The following PDZD7 variants were observed in gnomAD, a reference collection of about 807,000 sequenced individuals.
PDZD7 encodes the protein PDZ domain-containing protein 7.
Under a neutral mutation model 84.7 loss-of-function variants are expected in PDZD7, and 72 were observed. That is an observed-to-expected ratio of 0.85 (90% CI 0.70 to 1.03). The LOEUF (loss-of-function observed/expected upper bound fraction) is 1.03. Among genes scored for constraint, PDZD7 ranks in the 50% least tolerant of loss-of-function variants. The pLI is 0.00. For synonymous variants in PDZD7, 594 were observed against 580.7 expected, an observed-to-expected ratio of 1.02 and a Z score of -0.33; for missense variants, 1,490 against 1,412.9, an observed-to-expected ratio of 1.05 and a Z score of -0.87.
chr10:101,030,964 A>C (rs1938133486), intron 1 of PDZD7, 109 bp downstream of exon 1: 2 of 153,746 alleles, frequency 1.3e-5, no homozygotes, highest in Non-Finnish European at 2.9e-5. Context: ...CATCCCGCGC[A>C]AAACCCAGGG....
chr10:101,025,790 G>A (rs11190801), intron 2 of PDZD7, among the ~76,000 whole-genome samples: 44 of 150,810 alleles, frequency 2.9e-4, no homozygotes, highest in African/African-American at 7.3e-4. Flanking sequence ...CTCGTGATCT[G>A]CCCGCCTTGG....
At chr10:101,017,900 G>T (rs1852783171) in intron 9 of PDZD7, 199 bp downstream of exon 9, 11 of 452,932 alleles carry the variant, frequency 2.4e-5, no homozygotes, top group South Asian at 3.3e-5. Flanking sequence ...AGAAAAGAAA[G>T]AAAGAAAGAA....
rs1554835357 is a variant in PDZD7 at position 101,019,574 on chromosome 10, C to CTCCTCT, written c.929-358_929-357insAGAGGA. On this transcript the variant is annotated intron_variant, in intron 7 of 16. Transcript: ENST00000619208. ...CCTCCTCCTCCTCCTCCTCCTCCTCCTCCTCCTCCTCCTCTTCTTCTTCTT... is the reference window on the plus strand; with the variant it reads ...CCTCCTCCTCCTCCTCCTCCTCCTCCTCCTCTTCCTCCTCCTCCTCTTCTTCTTCTT... Among the ~76,000 whole-genome samples the CTCCTCT allele has an allele frequency of 4.7e-3, 524 of 110,744 alleles. 22 individuals carry two copies. The highest frequency in any genetic ancestry group is 0.04 in the South Asian group (154 of 3,856). 72.7% of individuals were successfully genotyped at this position (110,744 alleles called of 152,430 possible). A position where few individuals can be genotyped will look rare whatever the true frequency, so the allele number is the denominator to read the frequency against.
chr10:101,026,386 C>T (rs563201375), intron 2 of PDZD7, among the ~76,000 whole-genome samples: 8 of 150,808 alleles, frequency 5.3e-5, no homozygotes, highest in Non-Finnish European at 1.0e-4. Context: ...CCACCTGCCT[C>T]GGCCTCCCAA....
intron 11 of PDZD7, among the ~76,000 whole-genome samples, chr10:101,014,119 A>T (rs1852502579): frequency 6.6e-6 from 1 of 151,414 alleles, no homozygotes; most frequent in East Asian, 1.9e-4. Context: ...TCGGCCACCC[A>T]AAGTGCTGGG....
At position 101,012,019 on chromosome 10, in the gene PDZD7, G is replaced by C. The variant is rs749451552; in HGVS notation, c.1842-3C>G. On this transcript the variant is annotated splice_polypyrimidine_tract_variant and splice_region_variant and intron_variant, in intron 12 of 16. Coordinates refer to ENST00000619208, the MANE Select transcript of PDZD7 (RefSeq NM_001195263.2). ...GGTCTGTGGGGGCCACCACACTCCT[G>C]GGAGAGGGCGAGAGACAGCAGGGGT... 2 of 1,549,838 alleles carry C rather than the reference G, an allele frequency of 1.3e-6. No individual in the cohort carries two copies. Among genetic ancestry groups the C allele is most frequent in the South Asian group, 2.4e-5 (2 of 84,044 alleles).
rs1852883761 is a variant in PDZD7 at position 101,019,038 on chromosome 10, T to C, written c.1108A>G (p.Met370Val). 3 of 1,573,888 alleles carry C rather than the reference T, an allele frequency of 1.9e-6. No homozygotes were observed. Among genetic ancestry groups the C allele is most frequent in the South Asian group, 2.3e-5 (2 of 86,746 alleles). ...GPGWGRADTA[M>V]QTEPDAGGRV... is the part of the protein sequence containing the mutation. ...CCTCCCGCATCGGGCTCCGTCTGCA[T>C]GGCTGTGTCCGCCCGCCCCCAGCCT... The change falls in exon 8 of 17, where the codon ATG becomes GTG. Residue 370 changes from methionine (M) to valine (V), a missense_variant. Transcript: ENST00000619208.
rs771265258 is a variant in PDZD7, at chr10:101,023,460, T to C, written c.518A>G (p.Lys173Arg). 3 of 1,614,060 alleles carry C rather than the reference T, an allele frequency of 1.9e-6. No individual in the cohort carries two copies. Among genetic ancestry groups the C allele is most frequent in the South Asian group, 2.2e-5 (2 of 91,088 alleles). Residue 173 changes from lysine to arginine, a missense_variant, in exon 4 of 17, where the codon AAG (lysine) becomes AGG (arginine). Coordinates refer to ENST00000619208, the MANE Select transcript of PDZD7 (RefSeq NM_001195263.2). ...VRRMGRVPGI[K>R]FSKEKTTWVD... is the part of the protein sequence containing the mutation. ...CCACGTGGTCTTCTCCTTGGAGAAC[T>C]TGATGCCCGGCACACGGCCCATGCG...
rs1393779010 is a variant in PDZD7, at chr10:101,011,460, C to T, written c.2005+230G>A. The T allele has an allele frequency of 5.5e-6, 7 of 1,282,332 alleles. No homozygotes were observed. In the East Asian group the frequency reaches 1.4e-4, roughly 25 times the overall value. 79.4% of individuals were successfully genotyped at this position (1,282,332 alleles called of 1,614,324 possible). A position where few individuals can be genotyped will look rare whatever the true frequency, so the allele number is the denominator to read the frequency against. ...TCAGAGGTTACTGCATAGAATGAGA[C>T]TAGATTTTAAAAGTGAGTGGGTTTC... On this transcript the variant is annotated intron_variant, in intron 14 of 16. Transcript: ENST00000619208.
In PDZD7 at chr10:101,030,235, G is replaced by T; in HGVS notation, c.-16C>A. On this transcript the variant is annotated 5_prime_UTR_variant, in exon 2 of 17. Coordinates refer to ENST00000619208, the MANE Select transcript of PDZD7 (RefSeq NM_001195263.2). ...CCTGCGCCATGGCGGCTGGGCTAGG[G>T]CGGCACCCTACAGGTCCAGAAGGAA... The T allele has an allele frequency of 6.3e-7, 1 of 1,584,060 alleles. No homozygotes were observed. Among genetic ancestry groups the T allele is most frequent in the Non-Finnish European group, 8.6e-7 (1 of 1,167,896 alleles).
chr10:101,029,731 C>T (rs1051283585), intron 2 of PDZD7, among the ~76,000 whole-genome samples: 1 of 152,228 alleles, frequency 6.6e-6, no homozygotes, highest in African/African-American at 2.4e-5. Flanking sequence ...GCATACCACA[C>T]GCATGCCTGT....
intron 1 of PDZD7, chr10:101,030,859 C>A (rs1938122487): frequency 1.2e-5 from 2 of 161,168 alleles, no homozygotes. Context: ...GACCCCCAGA[C>A]ACCCGCGGGC....
intron 6 of PDZD7, 120 bp from the exon 7 acceptor site, chr10:101,020,798 A>G: frequency 1.3e-6 from 1 of 763,152 alleles, no homozygotes; most frequent in Non-Finnish European, 2.3e-6. Flanking sequence ...CTCCAAATTC[A>G]TCATGCTCTG....
At chr10:101,030,774 G>A (rs184667611) in intron 1 of PDZD7, 339 of 186,154 alleles carry the variant, frequency 1.8e-3, no homozygotes, top group African/African-American at 7.6e-3. Flanking sequence ...GGCCCGGGGT[G>A]GGGCGGGGGC....
rs370710418 is a variant in PDZD7, at chr10:101,030,129, G to T, written c.91C>A (p.Leu31Ile). 3.1e-5 allele frequency: 50 copies of T among 1,614,064 alleles called. No individual in the cohort carries two copies. The highest frequency in any genetic ancestry group is 1.7e-4 in the Admixed American group (10 of 60,016). ...GCGGTGGAGCCTGAGTCGCTGCCTA[G>T]GTGGCCTCGGGAGGAGAGGGAGCTC... Reference protein sequence around the residue: ...SLSSLSSRGHLGSDSGSTATR... With the variant: ...SLSSLSSRGHIGSDSGSTATR... Residue 31 changes from leucine (L) to isoleucine (I), a missense_variant, in exon 2 of 17, where the codon CTA becomes ATA. By Grantham distance (5) the Leu-to-Ile change is conservative. Transcript: ENST00000619208.
rs1262407255 is a variant in PDZD7 at position 101,018,108 on chromosome 10, T to C, written c.1513A>G (p.Ile505Val). The C allele has an allele frequency of 6.2e-7, 1 of 1,614,220 alleles. No homozygotes were observed. Among genetic ancestry groups the C allele is most frequent in the Non-Finnish European group, 8.5e-7 (1 of 1,180,036 alleles). ...TCAGCCCACTACTTACCTTTCTCTATGTCCAGGCGAGGGTAAGTTTTGGCC... is the reference window on the plus strand; with the variant it reads ...TCAGCCCACTACTTACCTTTCTCTACGTCCAGGCGAGGGTAAGTTTTGGCC... ...SLAKTYPRLDIEKAGGVGPVQ... is the reference protein window; with the variant it reads ...SLAKTYPRLDVEKAGGVGPVQ... Residue 505 changes from isoleucine to valine, a missense_variant, in exon 9 of 17, where the codon ATA becomes GTA. Physicochemically the swap from Ile to Val is conservative, Grantham distance 29. Transcript: ENST00000619208.
At chr10:101,015,866 G>C in intron 10 of PDZD7, 55 bp from the exon 11 acceptor site, 1 of 1,508,382 alleles carries the variant, frequency 6.6e-7, no homozygotes, top group South Asian at 1.3e-5. Flanking sequence ...AGCAGGGCTG[G>C]GCCCCAGAAT....
intron 9 of PDZD7, 121 bp from the exon 10 acceptor site, chr10:101,016,548 C>A (rs927834149): frequency 9.4e-7 from 1 of 1,062,532 alleles, no homozygotes; most frequent in African/African-American, 1.6e-5. Flanking sequence ...GATAGGGAGG[C>A]AAGAGGCCTG....
intron 14 of PDZD7, chr10:101,011,163 C>G: frequency 1.1e-6 from 1 of 871,866 alleles, no homozygotes; most frequent in Non-Finnish European, 1.6e-6. Context: ...GCCTCAGCCT[C>G]CCGGAGTAGC....
Sources: gnomAD v4.1 joint callset for allele counts (sites outside exome capture counted in the v4.1 genomes callset) on GRCh38, gnomAD v4.1.1 for gene constraint, MANE v1.5 for transcripts, NCBI Gene and HGNC (gene_info 2026-07-23, HGNC 2026-07-21) for gene names.